ADI1: variants seen among roughly 807,000 people sequenced by gnomAD.
ADI1 encodes acireductone dioxygenase.
A neutral mutation model predicts 18.7 loss-of-function variants in ADI1; 21 were observed. The ratio of observed to expected loss-of-function variants is 1.13; its 90% CI spans 0.80 to 1.62. The LOEUF (loss-of-function observed/expected upper bound fraction) is 1.62, where lower values mean the gene tolerates loss of function less well. ADI1 is among the 40% of genes most tolerant of loss of function. The probability of loss-of-function intolerance (pLI) is 0.00; values close to 1 mark genes in which losing one functional copy is unlikely to be tolerated. For synonymous variants in ADI1, 90 were observed against 100.1 expected (o/e 0.90, Z 0.60); for missense variants, 245 against 254.9 (o/e 0.96, Z 0.26).
At chr2:3,516,026 T>C (rs1026944791) in intron 1 of ADI1, 3 of 983,890 alleles carry the variant, frequency 3.0e-6, no homozygotes, top group Non-Finnish European at 3.6e-6. Context: ...GTCCATATTA[T>C]GACACATAAT....
At chr2:3,510,606 G>A (rs1667277642) in intron 2 of ADI1, among the ~76,000 whole-genome samples, 1 of 152,132 alleles carries the variant, frequency 6.6e-6, no homozygotes, top group Non-Finnish European at 1.5e-5. Context: ...AGAGAAGACA[G>A]CACTACATAC....
Position 3,500,807 on chromosome 2 carries a change from C to T in ADI1, c.420+7G>A, listed in dbSNP as rs772791177. Reference sequence around the variant, plus strand: ...CCGGGCCTGGGGAGAAAGCACAGCACTCCCACCTTCTCGTCCACCGTGAAG... The same window carrying T: ...CCGGGCCTGGGGAGAAAGCACAGCATTCCCACCTTCTCGTCCACCGTGAAG... On this transcript the variant is annotated splice_region_variant and intron_variant, in intron 3 of 3. Transcript: ENST00000327435. The T allele has an allele frequency of 3.7e-6, 6 of 1,613,694 alleles. No homozygotes were observed. In the Admixed American group the frequency reaches 1.0e-4, roughly 27 times the overall value.
intron 1 of ADI1, chr2:3,517,477 G>A (rs896388957): frequency 6.6e-6 from 1 of 152,158 alleles, no homozygotes; most frequent in Non-Finnish European, 1.5e-5. Flanking sequence ...TATTAAGAAA[G>A]CATATAGGCC....
At chr2:3,516,357 C>G (rs1348163149) in intron 1 of ADI1, 22 of 152,318 alleles carry the variant, frequency 1.4e-4, no homozygotes, top group Admixed American at 1.4e-3. Flanking sequence ...TGGTCCACGC[C>G]TGTGATCCCA....
At chr2:3,516,018 C>A in intron 1 of ADI1, 1 of 984,258 alleles carries the variant, frequency 1.0e-6, no homozygotes, top group Non-Finnish European at 1.2e-6. Flanking sequence ...CTGAATGTGT[C>A]CATATTATGA....
rs1666985167 is a variant in ADI1 at position 3,500,811 on chromosome 2, C to T, written c.420+3G>A. 1 of 1,613,692 alleles carries T rather than the reference C, an allele frequency of 6.2e-7. No homozygotes were observed. The highest frequency in any genetic ancestry group is 8.5e-7 in the Non-Finnish European group (1 of 1,179,784). On this transcript the variant is annotated splice_donor_region_variant and intron_variant, in intron 3 of 3. Coordinates refer to ENST00000327435, the MANE Select transcript of ADI1 (RefSeq NM_018269.4). ...GCCTGGGGAGAAAGCACAGCACTCCCACCTTCTCGTCCACCGTGAAGCGGT... is the reference window on the plus strand; with the variant it reads ...GCCTGGGGAGAAAGCACAGCACTCCTACCTTCTCGTCCACCGTGAAGCGGT...
In ADI1 at chr2:3,519,358, G is replaced by T. The variant is rs985037190; in HGVS notation, c.120+10C>A. On this transcript the variant is annotated intron_variant, in intron 1 of 3. Coordinates refer to ENST00000327435, the MANE Select transcript of ADI1 (RefSeq NM_018269.4). ...CGCCCGCACGCTCTGCGAGGCTTGG[G>T]CTCGCGTACCTTCCAGTAGAGCACC... 1.4e-6 allele frequency: 2 copies of T among 1,424,932 alleles called. No individual in the cohort carries two copies. The highest frequency in any genetic ancestry group is 6.0e-5 in the Admixed American group (2 of 33,428). The allele number at this position is 1,424,932 out of a possible 1,614,324, so 88.3% of individuals were successfully genotyped here. A position where few individuals can be genotyped will look rare whatever the true frequency, so the allele number is the denominator to read the frequency against.
chr2:3,503,853 A>G (rs1365393701), intron 2 of ADI1, among the ~76,000 whole-genome samples: 5 of 152,302 alleles, frequency 3.3e-5, no homozygotes, highest in South Asian at 2.1e-4. Flanking sequence ...TAGACCCTAG[A>G]CCAACAAGTG....
At chr2:3,512,595 G>A (rs190781201) in intron 2 of ADI1, among the ~76,000 whole-genome samples, 5 of 152,360 alleles carry the variant, frequency 3.3e-5, no homozygotes, top group African/African-American at 1.2e-4. Context: ...TATTAAGCCT[G>A]TGAGTGCACA....
At chr2:3,515,060 T>G (rs1257730640) in intron 1 of ADI1, 1 of 461,604 alleles carries the variant, frequency 2.2e-6, no homozygotes, top group East Asian at 4.2e-5. Flanking sequence ...ACATGTGTGT[T>G]TGAACAATAT....
chr2:3,516,084 G>GAATGTTGA lies in ADI1; in HGVS notation c.121-2116_121-2109dup, dbSNP rs375487400. 489 of 973,190 alleles carry GAATGTTGA rather than the reference G, an allele frequency of 5.0e-4. 3 individuals carry two copies. The African/African-American group carries it at 7.8e-3, about 15-fold the overall frequency. 60.3% of individuals were successfully genotyped at this position (973,190 alleles called of 1,614,324 possible). A position where few individuals can be genotyped will look rare whatever the true frequency, so the allele number is the denominator to read the frequency against. On this transcript the variant is annotated intron_variant, in intron 1 of 3. Coordinates refer to ENST00000327435, the MANE Select transcript of ADI1 (RefSeq NM_018269.4). ...ACACGTGTCATAAGTTTAAATATAC[G>GAATGTTGA]AATGTTGAAACTTAACACAAATGTG...
chr2:3,505,970 C>T (rs1417229052), intron 2 of ADI1, among the ~76,000 whole-genome samples: 2 of 152,222 alleles, frequency 1.3e-5, no homozygotes, highest in Non-Finnish European at 2.9e-5. Context: ...AGTGTCCTGA[C>T]CTTGGGCGTC....
Position 3,498,633 on chromosome 2 carries a change from G to A in ADI1, c.*330C>T. ...AGGATTGCACCTTCTTACACGGCAG[G>A]CGCGGCATCACGTCCAGATGGGCAT... On this transcript the variant is annotated 3_prime_UTR_variant, in exon 4 of 4. Transcript: ENST00000327435. 4.5e-6 allele frequency: 1 copy of A among 222,318 alleles called. No homozygotes were observed. 13.8% of individuals were successfully genotyped at this position (222,318 alleles called of 1,614,324 possible). A position where few individuals can be genotyped will look rare whatever the true frequency, so the allele number is the denominator to read the frequency against.
intron 2 of ADI1, among the ~76,000 whole-genome samples, chr2:3,502,033 ACACACACAC>A (rs1348580020): frequency 0.012 from 938 of 78,394 alleles, 14 homozygotes; most frequent in African/African-American, 0.075. Context: ...ACACACACAC[ACACACACAC>A]AGAGACAGGG....
chr2:3,514,265 C>T (rs1667353033), intron 1 of ADI1, among the ~76,000 whole-genome samples: 1 of 152,200 alleles, frequency 6.6e-6, no homozygotes, highest in South Asian at 2.1e-4. Context: ...CTCACCACCT[C>T]AGGCCTTTCT....
Position 3,519,423 on chromosome 2 carries a change from G to C in ADI1, c.65C>G (p.Pro22Arg). ...GDPRQPHRPDPGRPVGLEQLR... is the reference protein window; with the variant it reads ...GDPRQPHRPDRGRPVGLEQLR... ...CTGCTCCAGGCCCACTGGGCGGCCG[G>C]GGTCGGGGCGGTGGGGTTGCCGCGG... is the stretch of plus-strand genomic sequence containing the variant. Residue 22 changes from proline (P) to arginine (R), a missense_variant, in exon 1 of 4, where the codon CCC (proline) becomes CGC (arginine). Pro to Arg is a moderately radical substitution (Grantham distance 103). Transcript: ENST00000327435. The C allele has an allele frequency of 1.5e-6, 2 of 1,378,672 alleles. No homozygotes were observed. The highest frequency in any genetic ancestry group is 1.9e-6 in the Non-Finnish European group (2 of 1,073,618). 85.4% of individuals were successfully genotyped at this position (1,378,672 alleles called of 1,614,324 possible). A position where few individuals can be genotyped will look rare whatever the true frequency, so the allele number is the denominator to read the frequency against.
At chr2:3,499,917 T>C (rs2103199765) in intron 3 of ADI1, among the ~76,000 whole-genome samples, 1 of 152,074 alleles carries the variant, frequency 6.6e-6, no homozygotes. Flanking sequence ...ACACAAAAAT[T>C]AGCCGGGCGT....
chr2:3,515,968 C>CT, intron 1 of ADI1: 1 of 985,200 alleles, frequency 1.0e-6, no homozygotes, highest in Non-Finnish European at 1.2e-6. Context: ...AAAACTTAGC[C>CT]TATCCACTGC....
At chr2:3,499,238 G>T (rs761093077) in intron 3 of ADI1, among the ~76,000 whole-genome samples, 156 bp from the exon 4 acceptor site, 225 of 152,204 alleles carry the variant, frequency 1.5e-3, no homozygotes, top group Non-Finnish European at 2.3e-3. Context: ...CATTTTATTC[G>T]TGGAAGGAAA....
Sources: allele counts gnomAD v4.1 joint callset (sites outside exome capture counted in the v4.1 genomes callset), GRCh38; gene constraint gnomAD v4.1.1; transcripts MANE v1.5; gene names NCBI Gene and HGNC (gene_info 2026-07-23, HGNC 2026-07-21).